TOPAZ1: variants seen among roughly 807,000 people sequenced by gnomAD.
The protein encoded by TOPAZ1 is testis and ovary specific TOPAZ 1, also known as protein TOPAZ1.
Under a neutral mutation model 172.2 loss-of-function variants are expected in TOPAZ1, and 66 were observed. The observed-to-expected ratio is 0.38, with a 90% CI of 0.31 to 0.47. The LOEUF is 0.47. Ranked by LOEUF, TOPAZ1 falls within the 20% of genes least tolerant of loss-of-function variation. The pLI is 0.99. For missense variants in TOPAZ1, 1,822 were observed against 1,972.4 expected (o/e 0.92, Z 1.44); for synonymous variants, 681 against 683.9 (o/e 1.00, Z 0.07).
At chr3:44,262,628 G>C (rs115772643) in intron 5 of TOPAZ1, 145 bp downstream of exon 5, 1 of 421,286 alleles carries the variant, frequency 2.4e-6, no homozygotes, top group African/African-American at 2.1e-5. Flanking sequence ...TAATGTGTCA[G>C]ATGTACTCAG....
intron 4 of TOPAZ1, 96 bp from the exon 5 acceptor site, chr3:44,262,323 C>T: frequency 2.0e-6 from 1 of 501,294 alleles, no homozygotes; most frequent in Non-Finnish European, 3.4e-6. Flanking sequence ...ATTTAATTAA[C>T]ATCTAATACA....
At chr3:44,277,633 A>G (rs1042902949) in intron 8 of TOPAZ1, among the ~76,000 whole-genome samples, 1 of 152,166 alleles carries the variant, frequency 6.6e-6, no homozygotes, top group Admixed American at 6.5e-5. Context: ...GTCCCTGCCC[A>G]TATCTCACAT....
chr3:44,248,045 T>G (rs1255071705), intron 2 of TOPAZ1, among the ~76,000 whole-genome samples: 1 of 152,226 alleles, frequency 6.6e-6, no homozygotes, highest in East Asian at 1.9e-4. Flanking sequence ...CCTAAAATCT[T>G]GGGTGCATGA....
chr3:44,276,286 T>C (rs920213902), intron 8 of TOPAZ1, among the ~76,000 whole-genome samples: 7 of 152,192 alleles, frequency 4.6e-5, no homozygotes, highest in African/African-American at 1.7e-4. Flanking sequence ...CTATAGTATC[T>C]CCCCTATGTT....
At position 44,256,213 on chromosome 3, in the gene TOPAZ1, A is replaced by G; in HGVS notation, c.2890A>G (p.Thr964Ala). Residue 964 changes from threonine to alanine, a missense_variant, in exon 4 of 20, where the codon ACC (threonine) becomes GCC (alanine). Thr to Ala is a moderately conservative substitution (Grantham distance 58, BLOSUM62 0). Around this residue, in one of 2 missense-constraint regions of TOPAZ1, gnomAD observed 1,489 missense variants for 1,490.8 expected, o/e 1.00. Coordinates refer to ENST00000309765, the MANE Select transcript of TOPAZ1 (RefSeq NM_001145030.2). Reference sequence around the variant, plus strand: ...TTCCTTAGGAGAAGTTGCTAATGAGACCTCTGAAAATGAAACACTGGGAGA... The same window carrying G: ...TTCCTTAGGAGAAGTTGCTAATGAGGCCTCTGAAAATGAAACACTGGGAGA... ...NTSLGEVANE[T>A]SENETLGDFS... The G allele has an allele frequency of 6.5e-7, 1 of 1,536,430 alleles. No homozygotes were observed. Among genetic ancestry groups the G allele is most frequent in the Admixed American group, 2.2e-5 (1 of 46,464 alleles).
chr3:44,261,261 C>T (rs1699772775), intron 4 of TOPAZ1, among the ~76,000 whole-genome samples: 1 of 151,888 alleles, frequency 6.6e-6, no homozygotes, highest in African/African-American at 2.4e-5. Flanking sequence ...TCTAAGAGTT[C>T]TAGGTTGTCT....
chr3:44,309,660 T>C (rs1394848687), intron 15 of TOPAZ1, among the ~76,000 whole-genome samples, 165 bp from the exon 16 acceptor site: 2 of 152,188 alleles, frequency 1.3e-5, no homozygotes, highest in African/African-American at 4.8e-5. Flanking sequence ...TTCATCTGTA[T>C]GGCTGAACAG....
intron 16 of TOPAZ1, among the ~76,000 whole-genome samples, chr3:44,314,162 C>T (rs1394548027): frequency 2.0e-5 from 3 of 152,092 alleles, no homozygotes; most frequent in East Asian, 1.9e-4. Context: ...CTCCTGACCT[C>T]GTGATCTGCC....
At chr3:44,321,340 A>T (rs961350010) in intron 17 of TOPAZ1, 149 bp downstream of exon 17, 1 of 592,036 alleles carries the variant, frequency 1.7e-6, no homozygotes, top group East Asian at 3.2e-5. Context: ...TGTTCTCTGC[A>T]AATTGAATAT....
chr3:44,322,007 T>G (rs1356765636), intron 17 of TOPAZ1, among the ~76,000 whole-genome samples: 1 of 152,190 alleles, frequency 6.6e-6, no homozygotes, highest in Non-Finnish European at 1.5e-5. Flanking sequence ...TAAAGGAATT[T>G]TCTTCTCTGT....
intron 12 of TOPAZ1, among the ~76,000 whole-genome samples, chr3:44,299,538 G>T (rs1475118628): frequency 6.6e-6 from 1 of 152,016 alleles, no homozygotes; most frequent in Non-Finnish European, 1.5e-5. Context: ...GTGGAAGTCA[G>T]TGTGGCGATT....
At chr3:44,251,114 TTC>T (rs147114238) in intron 2 of TOPAZ1, among the ~76,000 whole-genome samples, 3,161 of 152,214 alleles carry the variant, frequency 0.021, 117 homozygotes, top group African/African-American at 0.071. Flanking sequence ...CTGAATTTTT[TTC>T]TCTCTTTTTT....
chr3:44,257,286 T>C (rs944562830), intron 4 of TOPAZ1, among the ~76,000 whole-genome samples: 4 of 151,096 alleles, frequency 2.6e-5, no homozygotes, highest in Middle Eastern at 3.2e-3. Context: ...CAGTGAGCCA[T>C]GTTCGGGCCA....
intron 12 of TOPAZ1, 104 bp from the exon 13 acceptor site, chr3:44,303,911 T>C: frequency 1.6e-6 from 1 of 618,584 alleles, no homozygotes; most frequent in Non-Finnish European, 2.6e-6. Context: ...TATACATTCA[T>C]TTTTTCTTCT....
At chr3:44,251,130 T>G (rs1044600937) in intron 2 of TOPAZ1, among the ~76,000 whole-genome samples, 1 of 152,086 alleles carries the variant, frequency 6.6e-6, no homozygotes, top group Non-Finnish European at 1.5e-5. Context: ...CTTTTTTTTT[T>G]CTTTGAGAGA....
In TOPAZ1 at chr3:44,258,378, A is replaced by G. The variant is rs1009375489; in HGVS notation, c.2955+2100A>G. ...GAATATTGGCATTAATACGATCAAG[A>G]TATTACAGAACATTTCCGTCACCAC... On this transcript the variant is annotated intron_variant, in intron 4 of 19. Coordinates refer to ENST00000309765, the MANE Select transcript of TOPAZ1 (RefSeq NM_001145030.2). 3.3e-5 allele frequency among the ~76,000 whole-genome samples: 5 copies of G among 152,196 alleles called. No individual in the cohort carries two copies. The South Asian group carries it at 1.0e-3, about 32-fold the overall frequency.
At chr3:44,280,563 G>A (rs945233123) in intron 8 of TOPAZ1, among the ~76,000 whole-genome samples, 4 of 152,080 alleles carry the variant, frequency 2.6e-5, no homozygotes, top group Non-Finnish European at 5.9e-5. Flanking sequence ...GCCCAGGCTG[G>A]TCTCGAACTC....
At chr3:44,292,329 G>A (rs376325749) in intron 12 of TOPAZ1, among the ~76,000 whole-genome samples, 1 of 152,170 alleles carries the variant, frequency 6.6e-6, no homozygotes, top group East Asian at 1.9e-4. Context: ...CCAGCATGTA[G>A]TTCTGGAGTC....
intron 5 of TOPAZ1, 106 bp downstream of exon 5, chr3:44,262,589 C>G: frequency 1.9e-6 from 1 of 532,620 alleles, no homozygotes; most frequent in Non-Finnish European, 3.3e-6. Context: ...GGGCTATATG[C>G]CATAAGCCAT....
Sources: allele counts gnomAD v4.1 joint callset (sites outside exome capture counted in the v4.1 genomes callset), GRCh38; gene constraint gnomAD v4.1.1; regional missense constraint gnomAD v4.1.1; transcripts MANE v1.5; gene names NCBI Gene and HGNC (gene_info 2026-07-23, HGNC 2026-07-21).